The following MAGI2 variants were observed in gnomAD, a reference collection of about 807,000 sequenced individuals.
The protein encoded by MAGI2 is membrane-associated guanylate kinase, WW and PDZ domain-containing protein 2.
A neutral mutation model predicts 133.3 loss-of-function variants in MAGI2; 35 were observed. That is an observed-to-expected ratio of 0.26 (90% CI 0.20 to 0.35). The LOEUF (loss-of-function observed/expected upper bound fraction) is 0.35. Among genes scored for constraint, MAGI2 ranks in the 10% least tolerant of loss-of-function variants. The pLI, the probability that MAGI2 is intolerant of heterozygous loss-of-function variation, is 1.00. For synonymous variants in MAGI2, 729 were observed against 710.6 expected (o/e 1.03, Z -0.41); for missense variants, 1,636 against 1,863.4 (o/e 0.88, Z 2.25).
chr7:78,653,279 T>A (rs1811773404), intron 2 of MAGI2, among the ~76,000 whole-genome samples: 1 of 152,160 alleles, frequency 6.6e-6, no homozygotes, highest in Non-Finnish European at 1.5e-5. Context: ...GCAATCCCAT[T>A]ACTGGGTATA....
At chr7:79,392,127 TGTTA>T (rs1049838218) in intron 1 of MAGI2, among the ~76,000 whole-genome samples, 1 of 152,112 alleles carries the variant, frequency 6.6e-6, no homozygotes, top group Non-Finnish European at 1.5e-5. Context: ...TCTGTTCCTG[TGTTA>T]GTTTGCTGAG....
At chr7:78,924,692 GGAT>G (rs1799548314) in intron 2 of MAGI2, among the ~76,000 whole-genome samples, 1 of 151,938 alleles carries the variant, frequency 6.6e-6, no homozygotes, top group Non-Finnish European at 1.5e-5. Flanking sequence ...TTTGGTATCA[GGAT>G]GATGCTGGCC....
chr7:78,173,327 G>C (rs150053626), intron 14 of MAGI2, among the ~76,000 whole-genome samples: 214 of 152,258 alleles, frequency 1.4e-3, no homozygotes, highest in Admixed American at 4.7e-3. Context: ...TCTGCACCAG[G>C]CAAAGTCCAG....
intron 3 of MAGI2, among the ~76,000 whole-genome samples, chr7:78,607,247 G>C (rs1262377477): frequency 6.6e-6 from 1 of 152,020 alleles, no homozygotes; most frequent in African/African-American, 2.4e-5. Context: ...GGCTGCTAGG[G>C]GGCAGTCATG....
At chr7:78,414,420 A>T (rs1373487509) in intron 6 of MAGI2, among the ~76,000 whole-genome samples, 1 of 152,086 alleles carries the variant, frequency 6.6e-6, no homozygotes, top group Non-Finnish European at 1.5e-5. Flanking sequence ...TGCACTAAAT[A>T]TAAGGGTAGT....
intron 1 of MAGI2, among the ~76,000 whole-genome samples, chr7:79,081,247 T>G (rs1046086349): frequency 6.6e-6 from 1 of 152,146 alleles, no homozygotes; most frequent in Non-Finnish European, 1.5e-5. Context: ...TCTATTTATC[T>G]CCATCTCAGT....
At chr7:79,222,315 A>C (rs1178825466) in intron 1 of MAGI2, among the ~76,000 whole-genome samples, 1 of 152,078 alleles carries the variant, frequency 6.6e-6, no homozygotes, top group Non-Finnish European at 1.5e-5. Context: ...AGAAATATGA[A>C]AGCAATAATA....
At chr7:79,190,584 A>C (rs1334792657) in intron 1 of MAGI2, among the ~76,000 whole-genome samples, 1 of 151,736 alleles carries the variant, frequency 6.6e-6, no homozygotes, top group Non-Finnish European at 1.5e-5. Context: ...CATTCTCTTA[A>C]TTGCCCATTA....
intron 6 of MAGI2, among the ~76,000 whole-genome samples, chr7:78,459,823 T>C (rs1051780325): frequency 3.3e-5 from 5 of 152,226 alleles, no homozygotes; most frequent in African/African-American, 1.2e-4. Context: ...AAAAGGTGAG[T>C]GTTTTACATT....
At chr7:78,706,581 A>C (rs1818672425) in intron 2 of MAGI2, among the ~76,000 whole-genome samples, 1 of 152,164 alleles carries the variant, frequency 6.6e-6, no homozygotes, top group South Asian at 2.1e-4. Context: ...ATACTGAATA[A>C]ATAACCCCTG....
At chr7:79,286,107 T>G (rs887040938) in intron 1 of MAGI2, among the ~76,000 whole-genome samples, 1 of 152,000 alleles carries the variant, frequency 6.6e-6, no homozygotes, top group African/African-American at 2.4e-5. Flanking sequence ...AAGGAAAGGC[T>G]TCTAGAAGGA....
At chr7:78,186,634 T>C (rs1827723017) in intron 12 of MAGI2, among the ~76,000 whole-genome samples, 2 of 152,284 alleles carry the variant, frequency 1.3e-5, no homozygotes, top group South Asian at 4.1e-4. Context: ...GCAAGGCACC[T>C]TTCATTCCAC....
At chr7:78,839,189 G>A (rs1791910509) in intron 2 of MAGI2, among the ~76,000 whole-genome samples, 1 of 151,986 alleles carries the variant, frequency 6.6e-6, no homozygotes, top group Non-Finnish European at 1.5e-5. Flanking sequence ...ATGAGGCATA[G>A]GATATGATTT....
At chr7:79,134,530 G>C (rs1295104672) in intron 1 of MAGI2, among the ~76,000 whole-genome samples, 3 of 152,032 alleles carry the variant, frequency 2.0e-5, no homozygotes, top group Non-Finnish European at 4.4e-5. Context: ...ATCTCAACTG[G>C]AAATTCTATA....
At chr7:79,149,613 G>C (rs1822997112) in intron 1 of MAGI2, among the ~76,000 whole-genome samples, 1 of 152,042 alleles carries the variant, frequency 6.6e-6, no homozygotes. Flanking sequence ...CAATTCTTTT[G>C]ATTATATCAA....
At chr7:79,011,661 G>C (rs1046830532) in intron 1 of MAGI2, among the ~76,000 whole-genome samples, 1 of 152,116 alleles carries the variant, frequency 6.6e-6, no homozygotes, top group African/African-American at 2.4e-5. Flanking sequence ...ATGACCACCA[G>C]GGTTTGGCTC....
intron 6 of MAGI2, among the ~76,000 whole-genome samples, chr7:78,440,035 C>CAT (rs577106802): frequency 0.011 from 1,678 of 151,486 alleles, 24 homozygotes; most frequent in African/African-American, 0.036. Context: ...GTTATATACA[C>CAT]ATATATATAT....
intron 2 of MAGI2, among the ~76,000 whole-genome samples, chr7:78,803,996 T>C (rs958917527): frequency 2.6e-5 from 4 of 152,264 alleles, no homozygotes; most frequent in Non-Finnish European, 5.9e-5. Flanking sequence ...TGAAATTGTA[T>C]AAATTATGCT....
chr7:79,101,271 T>C (rs1020716954), intron 1 of MAGI2, among the ~76,000 whole-genome samples: 1 of 152,188 alleles, frequency 6.6e-6, no homozygotes, highest in Admixed American at 6.5e-5. Flanking sequence ...CTGATTTACA[T>C]TTAACATAAT....
Sources: allele counts gnomAD v4.1 joint callset (sites outside exome capture counted in the v4.1 genomes callset), GRCh38; gene constraint gnomAD v4.1.1; transcripts MANE v1.5; gene names NCBI Gene and HGNC (gene_info 2026-07-23, HGNC 2026-07-21).